Variants in CYP26B1 observed in about 807,000 individuals in gnomAD.
The protein encoded by CYP26B1 is cytochrome P450 family 26 subfamily B member 1.
A neutral mutation model predicts 39.1 loss-of-function variants in CYP26B1; 8 were observed. The observed-to-expected ratio is 0.20, with a 90% CI of 0.12 to 0.37. The LOEUF is 0.37. CYP26B1 is among the 10% of genes least tolerant of loss of function. The pLI is 1.00. For synonymous variants in CYP26B1, 321 were observed against 314.3 expected, an observed-to-expected ratio of 1.02 and a Z score of -0.23; for missense variants, 615 against 707.0, an observed-to-expected ratio of 0.87 and a Z score of 1.48.
rs1677161257 is a variant in CYP26B1, at chr2:72,147,729, G to C, written c.106C>G (p.Arg36Gly). 2 of 1,594,530 alleles carry C rather than the reference G, an allele frequency of 1.3e-6. No individual in the cohort carries two copies. The highest frequency in any genetic ancestry group is 1.7e-6 in the Non-Finnish European group (2 of 1,171,564). Residue 36 changes from arginine to glycine, a missense_variant, in exon 1 of 6, where the codon CGC becomes GGC. Arg to Gly is a moderately radical substitution (Grantham distance 125). Coordinates refer to ENST00000001146, the MANE Select transcript of CYP26B1 (RefSeq NM_019885.4). The surrounding 1 kb of genome is among the most constrained non-coding windows in gnomAD (Gnocchi z 6.1). ...LAVSQQLWQL[R>G]WAATRDKSCK... is the part of the protein sequence containing the mutation. ...CTCTTGTCGCGAGTGGCGGCCCAGC[G>C]CAGCTGCCACAGCTGCTGCGACACG... is the stretch of plus-strand genomic sequence containing the variant.
chr2:72,133,311 C>T lies in CYP26B1; in HGVS notation c.862-4G>A, dbSNP rs1032513575. The T allele has an allele frequency of 1.9e-6, 3 of 1,601,366 alleles. No individual in the cohort carries two copies. The African/African-American group carries it at 4.0e-5, about 21-fold the overall frequency. ...AGATCAGCTCCAGGGTCCCGTCCTG[C>T]AGGGCACAGAGGAGAGGTGTTGTTG... On this transcript the variant is annotated splice_region_variant and splice_polypyrimidine_tract_variant and intron_variant, in intron 4 of 5. Transcript: ENST00000001146.
intron 2 of CYP26B1, among the ~76,000 whole-genome samples, chr2:72,135,693 C>T (rs1334028534): frequency 6.6e-6 from 1 of 152,112 alleles, no homozygotes; most frequent in Non-Finnish European, 1.5e-5. Context: ...ACGGAAGTGC[C>T]CTGGAGAAGT....
intron 1 of CYP26B1, 96 bp from the exon 2 acceptor site, chr2:72,144,309 G>A (rs756293499): frequency 3.3e-6 from 5 of 1,523,462 alleles, no homozygotes; most frequent in Non-Finnish European, 4.4e-6. Context: ...ACAGTCACCT[G>A]CCCCCTCTCC....
chr2:72,134,006 G>A (rs1572922684), intron 4 of CYP26B1, among the ~76,000 whole-genome samples: 1 of 152,338 alleles, frequency 6.6e-6, no homozygotes, highest in South Asian at 2.1e-4. Context: ...GCCCAGAGAG[G>A]GCAATGAAGG....
rs1416708176 is a variant in CYP26B1 at position 72,129,290 on chromosome 2, T to A, written c.*2937A>T. 3 of 152,454 alleles carry A rather than the reference T, an allele frequency of 2.0e-5. No individual in the cohort carries two copies. The highest frequency in any genetic ancestry group is 4.4e-5 in the Non-Finnish European group (3 of 68,032). 9.4% of individuals were successfully genotyped at this position (152,454 alleles called of 1,614,324 possible). On this transcript the variant is annotated 3_prime_UTR_variant, in exon 6 of 6. Transcript: ENST00000001146. ...CCTATAGAAGAGCCACATTGAGTAT[T>A]TCCAAAATCACAAAATGCACAACAT...
In CYP26B1 at chr2:72,134,843, C is replaced by G. The variant is rs1052765092; in HGVS notation, c.779G>C (p.Gly260Ala). 4 of 1,614,070 alleles carry G rather than the reference C, an allele frequency of 2.5e-6. No individual in the cohort carries two copies. In the African/African-American group the frequency reaches 5.3e-5, roughly 22 times the overall value. ...AIREKLQCTQ[G>A]KDYLDALDLL... ...GTCCAGGGCGTCCAAGTAGTCCTTG[C>G]CCTGTGTGCACTGCAGCTTCTCCCG... The change falls in exon 4 of 6, where the codon GGC becomes GCC. Residue 260 changes from glycine to alanine, a missense_variant. By Grantham distance (60) the Gly-to-Ala change is moderately conservative (BLOSUM62 0). Transcript: ENST00000001146.
chr2:72,136,057 G>A (rs1175772830), intron 2 of CYP26B1, among the ~76,000 whole-genome samples: 6 of 144,296 alleles, frequency 4.2e-5, no homozygotes, highest in East Asian at 2.2e-4. Flanking sequence ...CTTGTCCTCC[G>A]TCCTCCCGGC....
At chr2:72,135,673 G>A (rs1008432362) in intron 2 of CYP26B1, among the ~76,000 whole-genome samples, 4 of 152,172 alleles carry the variant, frequency 2.6e-5, no homozygotes, top group Non-Finnish European at 1.5e-5. Flanking sequence ...TCGGAATCCC[G>A]GGACACAGGA....
In CYP26B1 at chr2:72,132,079, G is replaced by C. The variant is rs1676594857; in HGVS notation, c.*148C>G. The C allele has an allele frequency of 2.2e-6, 2 of 913,156 alleles. No individual in the cohort carries two copies. Among genetic ancestry groups the C allele is most frequent in the Non-Finnish European group, 3.3e-6 (2 of 609,036 alleles). The allele number at this position is 913,156 out of a possible 1,614,324, so 56.6% of individuals were successfully genotyped here. A position where few individuals can be genotyped will look rare whatever the true frequency, so the allele number is the denominator to read the frequency against. On this transcript the variant is annotated 3_prime_UTR_variant, in exon 6 of 6. Coordinates refer to ENST00000001146, the MANE Select transcript of CYP26B1 (RefSeq NM_019885.4). ...TAGGAATGGGGCCCACTGGCTTTGG[G>C]TAGGGTTTGCCAGGGAGGGGGAGCA...
chr2:72,139,151 G>T (rs1050800591), intron 2 of CYP26B1, among the ~76,000 whole-genome samples: 2 of 152,106 alleles, frequency 1.3e-5, no homozygotes, highest in African/African-American at 2.4e-5. Flanking sequence ...GCCCAGGCCA[G>T]TGACTCAGAC....
At chr2:72,139,183 C>T (rs1465352245) in intron 2 of CYP26B1, among the ~76,000 whole-genome samples, 3 of 152,120 alleles carry the variant, frequency 2.0e-5, no homozygotes, top group African/African-American at 7.2e-5. Context: ...GAAGCGGCTG[C>T]CCAGGAGGGG....
chr2:72,144,403 T>C, intron 1 of CYP26B1, 190 bp from the exon 2 acceptor site: 1 of 1,396,898 alleles, frequency 7.2e-7, no homozygotes, highest in Non-Finnish European at 9.3e-7. Context: ...GCCTAGAGGA[T>C]AATAAATAAT....
chr2:72,144,688 G>T (rs1157218809), intron 1 of CYP26B1, among the ~76,000 whole-genome samples: 3 of 152,244 alleles, frequency 2.0e-5, no homozygotes, highest in Non-Finnish European at 4.4e-5. Context: ...ACAGATGGGG[G>T]TTGGAGTTTC....
chr2:72,134,009 A>G (rs1676680509), intron 4 of CYP26B1, among the ~76,000 whole-genome samples: 1 of 152,232 alleles, frequency 6.6e-6, no homozygotes, highest in Non-Finnish European at 1.5e-5. Context: ...CAGAGAGGGC[A>G]ATGAAGGGAC....
intron 2 of CYP26B1, among the ~76,000 whole-genome samples, chr2:72,137,604 A>AGCCCT (rs1047959011): frequency 1.1e-4 from 17 of 152,280 alleles, no homozygotes; most frequent in African/African-American, 3.6e-4. Flanking sequence ...CCCACAGACA[A>AGCCCT]GCCCTGCCCT....
chr2:72,133,677 C>A (rs951862115), intron 4 of CYP26B1, among the ~76,000 whole-genome samples: 2 of 152,228 alleles, frequency 1.3e-5, no homozygotes, highest in East Asian at 3.9e-4. Context: ...CCAGGCCCTG[C>A]GCAGCAGGTG....
intron 2 of CYP26B1, among the ~76,000 whole-genome samples, chr2:72,136,130 G>A (rs1001725438): frequency 6.6e-6 from 1 of 152,150 alleles, no homozygotes; most frequent in African/African-American, 2.4e-5. Flanking sequence ...GTTTTCATGT[G>A]TGGAGGAGAG....
intron 2 of CYP26B1, among the ~76,000 whole-genome samples, chr2:72,137,531 A>G (rs993585563): frequency 8.6e-3 from 1 of 116 alleles, no homozygotes; most frequent in Admixed American, 0.062. Context: ...CACGTGGGCC[A>G]TAGTGGCCAG....
intron 5 of CYP26B1, among the ~76,000 whole-genome samples, 191 bp downstream of exon 5, chr2:72,132,832 A>G (rs1285517564): frequency 6.6e-6 from 1 of 152,234 alleles, no homozygotes; most frequent in Non-Finnish European, 1.5e-5. Flanking sequence ...GACTTCACAT[A>G]TGACACCCAA....
Sources: gnomAD v4.1 joint callset for allele counts (sites outside exome capture counted in the v4.1 genomes callset) on GRCh38, gnomAD v4.1.1 for gene constraint, Gnocchi (gnomAD v3.1) non-coding constraint, MANE v1.5 for transcripts, NCBI Gene and HGNC (gene_info 2026-07-23, HGNC 2026-07-21) for gene names.